Variants in ITGB1 observed in about 807,000 individuals in gnomAD.
ITGB1 encodes the protein integrin subunit beta 1, also known as integrin beta-1.
In ITGB1, 24 loss-of-function variants were observed where a neutral mutation model predicts 86.5. The ratio of observed to expected loss-of-function variants is 0.28; its 90% CI spans 0.20 to 0.39. The LOEUF (loss-of-function observed/expected upper bound fraction) is 0.39. Ranked by LOEUF, ITGB1 falls within the 10% of genes least tolerant of loss-of-function variation. The probability of loss-of-function intolerance (pLI) is 1.00; values close to 1 mark genes in which losing one functional copy is unlikely to be tolerated. For missense variants in ITGB1, 556 were observed against 946.9 expected (o/e 0.59, Z 5.42); for synonymous variants, 323 against 316.8 (o/e 1.02, Z -0.21).
intron 15 of ITGB1, among the ~76,000 whole-genome samples, chr10:32,903,284 G>A (rs1049999175): frequency 5.0e-5 from 7 of 138,938 alleles, no homozygotes; most frequent in Admixed American, 8.3e-5. Flanking sequence ...CCCGGGAAGC[G>A]GAGATTGTAG....
chr10:32,946,121 C>A (rs1270737077), intron 1 of ITGB1, among the ~76,000 whole-genome samples: 1 of 152,134 alleles, frequency 6.6e-6, no homozygotes, highest in African/African-American at 2.4e-5. Flanking sequence ...GATCTACTTG[C>A]CAGTTTCTCT....
chr10:32,956,290 T>C (rs1593892903), intron 1 of ITGB1, among the ~76,000 whole-genome samples: 1 of 152,096 alleles, frequency 6.6e-6, no homozygotes, highest in African/African-American at 2.4e-5. Flanking sequence ...TAATCATTTC[T>C]AAAATTGGTC....
chr10:32,957,311 A>G (rs1184755369), intron 1 of ITGB1, among the ~76,000 whole-genome samples: 1 of 152,222 alleles, frequency 6.6e-6, no homozygotes, highest in Non-Finnish European at 1.5e-5. Flanking sequence ...TAGGAGTCTC[A>G]TAAATCCAAT....
chr10:32,911,398 G>A lies in ITGB1; in HGVS notation c.1931+50C>T, dbSNP rs183231056. 3,213 of 1,481,318 alleles carry A rather than the reference G, an allele frequency of 2.2e-3. 3 individuals carry two copies. Among genetic ancestry groups the A allele is most frequent in the Non-Finnish European group, 2.7e-3 (2,832 of 1,061,028 alleles). The allele number at this position is 1,481,318 out of a possible 1,614,324, so 91.8% of individuals were successfully genotyped here. On this transcript the variant is annotated intron_variant, in intron 13 of 15. Coordinates refer to ENST00000302278, the MANE Select transcript of ITGB1 (RefSeq NM_002211.4). ...GGTTCTAGAAACAATACAGGCTTAG[G>A]AGAGCCAAGAGGAAGTATCAACTAT...
At chr10:32,921,671 TC>T (rs1011642031) in intron 9 of ITGB1, among the ~76,000 whole-genome samples, 16 of 152,260 alleles carry the variant, frequency 1.1e-4, no homozygotes, top group African/African-American at 3.9e-4. Context: ...ATAAGCCAAT[TC>T]CTCTTTAATT....
At chr10:32,946,853 C>CTT (rs201958296) in intron 1 of ITGB1, among the ~76,000 whole-genome samples, 13,412 of 138,478 alleles carry the variant, frequency 0.097, 798 homozygotes, top group Admixed American at 0.2. Flanking sequence ...GTAAAGACTT[C>CTT]TTTTTTTTTT....
intron 15 of ITGB1, chr10:32,906,693 T>C (rs2094897378): frequency 4.4e-6 from 1 of 228,204 alleles, no homozygotes; most frequent in Non-Finnish European, 8.6e-6. Context: ...TGATTTCATA[T>C]ACTGGAGTGC....
chr10:32,906,462 C>A, intron 15 of ITGB1: 1 of 221,060 alleles, frequency 4.5e-6, no homozygotes, highest in South Asian at 4.4e-5. Flanking sequence ...TGGTGGCAGG[C>A]ACCTGTAATC....
At chr10:32,946,853 CTT>C (rs201958296) in intron 1 of ITGB1, among the ~76,000 whole-genome samples, 2 of 138,594 alleles carry the variant, frequency 1.4e-5, no homozygotes, top group African/African-American at 5.5e-5. Flanking sequence ...GTAAAGACTT[CTT>C]TTTTTTTTTT....
At chr10:32,910,201 T>C (rs202134034) in intron 14 of ITGB1, 22 bp downstream of exon 14, 5 of 1,524,060 alleles carry the variant, frequency 3.3e-6, no homozygotes, top group Admixed American at 1.7e-5. Flanking sequence ...GAAAAGAATG[T>C]CTGCAATCAT....
intron 15 of ITGB1, among the ~76,000 whole-genome samples, chr10:32,905,205 A>C (rs1428531072): frequency 6.6e-6 from 1 of 152,218 alleles, no homozygotes; most frequent in Non-Finnish European, 1.5e-5. Context: ...ATTTTCTGCC[A>C]TCAAATTTAA....
At chr10:32,920,611 A>C (rs2094946390) in intron 9 of ITGB1, among the ~76,000 whole-genome samples, 1 of 152,176 alleles carries the variant, frequency 6.6e-6, no homozygotes, top group African/African-American at 2.4e-5. Context: ...TTCCTGTTTT[A>C]ATCACTGAGT....
intron 11 of ITGB1, among the ~76,000 whole-genome samples, chr10:32,912,487 A>G (rs2094916506): frequency 6.6e-6 from 1 of 152,192 alleles, no homozygotes; most frequent in African/African-American, 2.4e-5. Context: ...GAACACCAGA[A>G]GATTATATCC....
chr10:32,935,397 G>T, intron 2 of ITGB1, 95 bp downstream of exon 2: 1 of 749,840 alleles, frequency 1.3e-6, no homozygotes. Context: ...GGAGCAGCAT[G>T]ATTATGACTT....
At chr10:32,933,660 G>A (rs934570059) in intron 2 of ITGB1, 12 of 152,040 alleles carry the variant, frequency 7.9e-5, no homozygotes, top group African/African-American at 1.4e-4. Flanking sequence ...TAACATTTTT[G>A]CCTATTTCTT....
chr10:32,930,684 G>A (rs552397676), intron 3 of ITGB1, among the ~76,000 whole-genome samples: 1 of 152,040 alleles, frequency 6.6e-6, no homozygotes, highest in South Asian at 2.1e-4. Context: ...AGGGTAAAAG[G>A]AGTAAGTATA....
chr10:32,924,925 A>T (rs2094960403), intron 6 of ITGB1, among the ~76,000 whole-genome samples: 1 of 152,240 alleles, frequency 6.6e-6, no homozygotes, highest in Non-Finnish European at 1.5e-5. Flanking sequence ...CCCTTCTTAA[A>T]GAGAAGAAAA....
chr10:32,932,398 T>C, intron 3 of ITGB1, 117 bp downstream of exon 3: 1 of 668,600 alleles, frequency 1.5e-6, no homozygotes, highest in East Asian at 2.7e-5. Context: ...TCCAAACCAT[T>C]AGGTTATTCA....
chr10:32,948,565 G>C (rs112039235), intron 1 of ITGB1, among the ~76,000 whole-genome samples: 1 of 152,128 alleles, frequency 6.6e-6, no homozygotes, highest in Admixed American at 6.5e-5. Context: ...ACAGTGATGA[G>C]AGGTGGGACT....
Sources: gnomAD v4.1 joint callset for allele counts (sites outside exome capture counted in the v4.1 genomes callset) on GRCh38, gnomAD v4.1.1 for gene constraint, MANE v1.5 for transcripts, NCBI Gene and HGNC (gene_info 2026-07-23, HGNC 2026-07-21) for gene names.